The following PRDX4 variants were observed in gnomAD, a reference collection of about 807,000 sequenced individuals.
PRDX4 encodes the protein peroxiredoxin 4, also known as peroxiredoxin-4.
PRDX4 carries 12 observed loss-of-function variants against 20.5 expected under a neutral mutation model. The ratio of observed to expected loss-of-function variants is 0.58; its 90% CI spans 0.37 to 0.95. The LOEUF is 0.95. Ranked by LOEUF, PRDX4 falls within the 40% of genes least tolerant of loss-of-function variation. The probability of loss-of-function intolerance (pLI) is 0.01; values close to 1 mark genes in which losing one functional copy is unlikely to be tolerated. For synonymous variants in PRDX4, 99 were observed against 87.5 expected (o/e 1.13, Z -0.73); for missense variants, 180 against 207.3 (o/e 0.87, Z 0.81).
intron 5 of PRDX4, among the ~76,000 whole-genome samples, chrX:23,683,099 C>G (rs1005361560): frequency 8.2e-5 from 9 of 109,743 alleles, no homozygotes; most frequent in Non-Finnish European, 1.7e-4. Flanking sequence ...GATCACTTCT[C>G]TGCCTTTCAG....
At chrX:23,681,873 T>C (rs763856285) in intron 4 of PRDX4, among the ~76,000 whole-genome samples, 1 of 111,120 alleles carries the variant, frequency 9.0e-6, no homozygotes, top group African/African-American at 3.3e-5. Flanking sequence ...AAACCCTGTT[T>C]GTACAAAAAA....
chrX:23,668,334 C>T (rs1927773433), intron 1 of PRDX4, among the ~76,000 whole-genome samples: 1 of 112,200 alleles, frequency 8.9e-6, no homozygotes, highest in South Asian at 3.7e-4. Context: ...TTCCCCAAAG[C>T]CTGTGTAGTT....
chrX:23,685,678 CAT>C (rs1391894706), intron 6 of PRDX4, among the ~76,000 whole-genome samples: 1 of 104,364 alleles, frequency 9.6e-6, no homozygotes, highest in Non-Finnish European at 2.0e-5. Flanking sequence ...TAGCAAATAA[CAT>C]AATGTGAGGC....
chrX:23,679,657 G>A (rs1928024504), intron 4 of PRDX4, among the ~76,000 whole-genome samples: 1 of 104,621 alleles, frequency 9.6e-6, no homozygotes, highest in Non-Finnish European at 1.9e-5. Flanking sequence ...CTGCACTCCA[G>A]CCTGGGCGAC....
At chrX:23,679,718 C>T (rs1410616600) in intron 4 of PRDX4, among the ~76,000 whole-genome samples, 4 of 108,769 alleles carry the variant, frequency 3.7e-5, no homozygotes, top group Non-Finnish European at 7.6e-5. Context: ...GTGGCTCACG[C>T]CTATAATCCC....
chrX:23,675,808 G>A (rs1487653642), intron 3 of PRDX4, among the ~76,000 whole-genome samples: 1 of 111,669 alleles, frequency 9.0e-6, no homozygotes, highest in Non-Finnish European at 1.9e-5. Flanking sequence ...ACAGTCTTGT[G>A]CAGAAAACTT....
At chrX:23,676,669 G>T (rs927371571) in intron 3 of PRDX4, among the ~76,000 whole-genome samples, 3 of 108,455 alleles carry the variant, frequency 2.8e-5, no homozygotes, top group African/African-American at 1.0e-4. Flanking sequence ...GTGCATGCCT[G>T]TGGTCCCAGC....
In PRDX4 at chrX:23,675,370, G is replaced by A. The variant is rs780949570; in HGVS notation, c.476+264G>A. 1.9e-5 allele frequency: 9 copies of A among 466,931 alleles called. No individual in the cohort carries two copies. The East Asian group carries it at 3.2e-4, about 17-fold the overall frequency. 38.5% of individuals were successfully genotyped at this position (466,931 alleles called of 1,213,427 possible). ...AGGGGAAAAGTTAAATGCAATAGAT[G>A]TGATTTCTATAGCGAAAACCACTGA... On this transcript the variant is annotated intron_variant, in intron 3 of 6. Transcript: ENST00000379341.
At chrX:23,668,262 C>G (rs926230391) in intron 1 of PRDX4, among the ~76,000 whole-genome samples, 5 of 112,526 alleles carry the variant, frequency 4.4e-5, no homozygotes, top group Admixed American at 1.9e-4. Flanking sequence ...GGAGGTCAAA[C>G]ATTTCATTTT....
intron 1 of PRDX4, among the ~76,000 whole-genome samples, chrX:23,669,566 T>C (rs769890686): frequency 1.8e-5 from 2 of 111,703 alleles, no homozygotes; most frequent in Non-Finnish European, 3.8e-5. Context: ...TAATTTACTG[T>C]TTCCTTTAAG....
In PRDX4 at chrX:23,682,514, A is replaced by C. The variant is rs747254675; in HGVS notation, c.718A>C (p.Lys240Gln). The C allele has an allele frequency of 8.6e-7, 1 of 1,162,937 alleles. No individual in the cohort carries two copies. The highest frequency in any genetic ancestry group is 1.8e-5 in the African/African-American group (1 of 55,983). ...RLVQAFQYTD[K>Q]HGEVCPAGWK... ...GGTTCAAGCATTCCAGTACACTGAC[A>C]AACACGGAGAAGGTACCTCTCCCTT... is the stretch of plus-strand genomic sequence containing the variant. The change falls in exon 5 of 7, where the codon AAA becomes CAA. Residue 240 changes from lysine (K) to glutamine (Q), a missense_variant. By Grantham distance (53) the Lys-to-Gln change is moderately conservative. Transcript: ENST00000379341.
intron 2 of PRDX4, among the ~76,000 whole-genome samples, chrX:23,673,199 C>G (rs983704820): frequency 1.8e-5 from 2 of 112,206 alleles, no homozygotes; most frequent in African/African-American, 6.5e-5. Context: ...TTATTCATAA[C>G]TCCATAATGG....
chrX:23,682,853 A>AAAT (rs1555933130), intron 5 of PRDX4, among the ~76,000 whole-genome samples: 11 of 14,878 alleles, frequency 7.4e-4, no homozygotes, highest in African/African-American at 1.1e-3. Flanking sequence ...AAAAAAAAAA[A>AAAT]ATATATATAT....
Position 23,671,646 on chromosome X carries a change from TGTAA to T in PRDX4, c.359+5_359+8del. On this transcript the variant is annotated splice_donor_variant and splice_donor_region_variant and intron_variant, in intron 2 of 6. Coordinates refer to ENST00000379341, the MANE Select transcript of PRDX4 (RefSeq NM_006406.2). LOFTEE classifies it high-confidence loss of function. ...GTTTTCTTCTTCTACCCACTTGATT[TGTAA>T]GTAATACATGTAAATAGCTAGTAAA... The T allele has an allele frequency of 8.9e-7, 1 of 1,128,784 alleles. No homozygotes were observed. Among genetic ancestry groups the T allele is most frequent in the Non-Finnish European group, 1.2e-6 (1 of 829,514 alleles). 93.0% of individuals were successfully genotyped at this position (1,128,784 alleles called of 1,213,427 possible).
chrX:23,679,566 G>A (rs192243759), intron 4 of PRDX4, among the ~76,000 whole-genome samples: 93 of 109,599 alleles, frequency 8.5e-4, no homozygotes, highest in Admixed American at 3.4e-3. Flanking sequence ...TATGCCTGTA[G>A]TCCCAGCTAC....
rs200074318 is a variant in PRDX4, at chrX:23,667,544, G to A, written c.-27G>A. 2 of 1,162,433 alleles carry A rather than the reference G, an allele frequency of 1.7e-6. No homozygotes were observed. Among genetic ancestry groups the A allele is most frequent in the Non-Finnish European group, 2.3e-6 (2 of 871,731 alleles). ...GCGGCAGAAGCGGCGCTCGCGCCAA[G>A]GGACGTGTTTCTGCGCTCGCGTGGT... On this transcript the variant is annotated 5_prime_UTR_variant, in exon 1 of 7. Transcript: ENST00000379341.
intron 6 of PRDX4, 134 bp from the exon 7 acceptor site, chrX:23,686,151 C>T: frequency 2.1e-6 from 1 of 470,321 alleles, no homozygotes; most frequent in East Asian, 3.9e-5. Flanking sequence ...GGACAAATCT[C>T]ATTTTTTTCT....
At chrX:23,672,533 C>T (rs1366784281) in intron 2 of PRDX4, among the ~76,000 whole-genome samples, 1 of 111,818 alleles carries the variant, frequency 8.9e-6, no homozygotes, top group African/African-American at 3.3e-5. Context: ...GCTTTATTCA[C>T]GTTGAGGATT....
At chrX:23,676,136 C>CAAAAAAAAAAAAAAAAAA (rs55792240) in intron 3 of PRDX4, among the ~76,000 whole-genome samples, 3 of 54,999 alleles carry the variant, frequency 5.5e-5, no homozygotes, top group Non-Finnish European at 9.8e-5. Flanking sequence ...AACTCCATCT[C>CAAAAAAAAAAAAAAAAAA]AAAAAAAAAA....
Sources: allele counts gnomAD v4.1 joint callset (sites outside exome capture counted in the v4.1 genomes callset), GRCh38; gene constraint gnomAD v4.1.1; transcripts MANE v1.5; gene names NCBI Gene and HGNC (gene_info 2026-07-23, HGNC 2026-07-21).